Variants in ATP2C1 observed in about 807,000 individuals in gnomAD.
ATP2C1 encodes ATPase secretory pathway Ca2+ transporting 1.
ATP2C1 carries 31 observed loss-of-function variants against 120.5 expected under a neutral mutation model. That is an observed-to-expected ratio of 0.26 (90% CI 0.19 to 0.35). The LOEUF (loss-of-function observed/expected upper bound fraction) is 0.35. Ranked by LOEUF, ATP2C1 falls within the 10% of genes least tolerant of loss-of-function variation. ATP2C1 has a pLI of 1.00. For synonymous variants in ATP2C1, 351 were observed against 358.7 expected (o/e 0.98, Z 0.24); for missense variants, 731 against 1,107.5 (o/e 0.66, Z 4.83).
chr3:130,940,491 T>G, intron 6 of ATP2C1, 139 bp from the exon 7 acceptor site: 1 of 657,196 alleles, frequency 1.5e-6, no homozygotes, highest in East Asian at 2.8e-5. Context: ...GACAAGCTTT[T>G]CTGGGTAAGA....
rs188814950 is a variant in ATP2C1 at position 130,869,656 on chromosome 3, G to A, written c.108+18728G>A. Among the ~76,000 whole-genome samples, 41 of 152,238 alleles carry A rather than the reference G, an allele frequency of 2.7e-4. 1 individual carries two copies. In the South Asian group the frequency reaches 5.2e-3, roughly 19 times the overall value. ...AATGTGCAGGAAGTTTGAGCGGTCT[G>A]GATACAAGACCAAACCAGGCATACC... On this transcript the variant is annotated intron_variant, in intron 1 of 26. Coordinates refer to the ATP2C1 transcript ENST00000504381.
chr3:130,885,462 G>A (rs949475555), intron 1 of ATP2C1, among the ~76,000 whole-genome samples: 2 of 151,642 alleles, frequency 1.3e-5, no homozygotes, highest in Admixed American at 6.6e-5. Flanking sequence ...GATTTTCTCT[G>A]GTGGTATGAT....
At chr3:130,987,208 G>A (rs1302368584) in intron 20 of ATP2C1, among the ~76,000 whole-genome samples, 4 of 152,026 alleles carry the variant, frequency 2.6e-5, no homozygotes, top group African/African-American at 7.2e-5. Flanking sequence ...GTGTTGCCCA[G>A]ACTGGTCCTG....
chr3:130,912,214 A>C (rs1207125128), intron 2 of ATP2C1, among the ~76,000 whole-genome samples: 2 of 128,344 alleles, frequency 1.6e-5, no homozygotes, highest in Non-Finnish European at 3.3e-5. Context: ...TGTCCAAAAC[A>C]CCAAAAGCAA....
rs768377452 is a variant in ATP2C1 at position 130,959,337 on chromosome 3, G to A, written c.895G>A (p.Val299Ile). 29 of 1,600,970 alleles carry A rather than the reference G, an allele frequency of 1.8e-5. No individual in the cohort carries two copies. Among genetic ancestry groups the A allele is most frequent in the Non-Finnish European group, 2.5e-5 (29 of 1,168,912 alleles). The change falls in exon 12 of 28, where the codon GTA (valine) becomes ATA (isoleucine). Residue 299 changes from valine (V) to isoleucine (I), a missense_variant. By Grantham distance (29) the Val-to-Ile change is conservative. This residue lies in a region of ATP2C1 where 571 missense variants were observed against 845.9 expected (regional missense o/e 0.67). Coordinates refer to ENST00000510168, the MANE Select transcript of ATP2C1 (RefSeq NM_001378687.1). ...TATCCTGGAAATGTTTACTATTAGT[G>A]TAAGGTAAGTCTCAATACTTTATAA... ...KDILEMFTIS[V>I]SLAVAAIPEG...
intron 1 of ATP2C1, among the ~76,000 whole-genome samples, chr3:130,883,784 T>TA (rs1373057860): frequency 6.6e-6 from 1 of 152,094 alleles, no homozygotes; most frequent in African/African-American, 2.4e-5. Context: ...TGTAGGTACT[T>TA]AGAGCTTAAA....
chr3:130,874,769 G>A (rs2068547377), intron 1 of ATP2C1, among the ~76,000 whole-genome samples: 1 of 152,148 alleles, frequency 6.6e-6, no homozygotes, highest in Non-Finnish European at 1.5e-5. Flanking sequence ...ATAAAAAGGT[G>A]GCTGCTGTAC....
intron 6 of ATP2C1, among the ~76,000 whole-genome samples, chr3:130,940,064 T>A (rs976944493): frequency 6.6e-6 from 1 of 152,202 alleles, no homozygotes; most frequent in Non-Finnish European, 1.5e-5. Context: ...AGGCTAGAAA[T>A]CACATTGTTA....
intron 2 of ATP2C1, chr3:130,927,619 A>AAAT (rs2108315895): frequency 6.6e-6 from 1 of 152,376 alleles, no homozygotes; most frequent in South Asian, 2.1e-4. Context: ...CTCTGGGTAA[A>AAAT]AATTATTATG....
At chr3:130,856,007 A>G (rs1334973852) in intron 1 of ATP2C1, 1 of 151,880 alleles carries the variant, frequency 6.6e-6, no homozygotes, top group Non-Finnish European at 1.5e-5. Flanking sequence ...GAGAAATACC[A>G]TTCAAGGGCT....
chr3:130,917,437 G>T (rs1457481995), intron 2 of ATP2C1, among the ~76,000 whole-genome samples: 1 of 152,116 alleles, frequency 6.6e-6, no homozygotes, highest in East Asian at 1.9e-4. Context: ...TAAGACTTTA[G>T]ATTTTGTTGT....
chr3:130,908,469 TA>T (rs111613898), intron 2 of ATP2C1, among the ~76,000 whole-genome samples: 26,709 of 143,862 alleles, frequency 0.19, 2,452 homozygotes, highest in Middle Eastern at 0.25. Flanking sequence ...TATTAGAAAT[TA>T]AAAAAAAAAA....
chr3:130,981,040 GA>G (rs1482341251), intron 20 of ATP2C1, among the ~76,000 whole-genome samples: 1 of 152,068 alleles, frequency 6.6e-6, no homozygotes, highest in African/African-American at 2.4e-5. Context: ...ATGAGTATGT[GA>G]TTTTTTTTAG....
chr3:131,009,281 T>G (rs1428910826), intron 26 of ATP2C1, among the ~76,000 whole-genome samples: 2 of 152,224 alleles, frequency 1.3e-5, no homozygotes, highest in African/African-American at 2.4e-5. Context: ...CAGAACATTC[T>G]AAACCAAAAC....
intron 2 of ATP2C1, among the ~76,000 whole-genome samples, chr3:130,896,488 A>G (rs2069641100): frequency 6.6e-6 from 1 of 151,990 alleles, no homozygotes. Flanking sequence ...ATTTTTTTTT[A>G]TATATAAACA....
At chr3:130,859,430 A>T (rs2067946731) in intron 1 of ATP2C1, among the ~76,000 whole-genome samples, 2 of 152,250 alleles carry the variant, frequency 1.3e-5, no homozygotes, top group Non-Finnish European at 1.5e-5. Context: ...TTTGTAAGTT[A>T]TCTAACCCCT....
intron 5 of ATP2C1, among the ~76,000 whole-genome samples, chr3:130,936,965 A>G (rs1272066426): frequency 6.6e-6 from 1 of 152,128 alleles, no homozygotes; most frequent in Non-Finnish European, 1.5e-5. Context: ...CTAGCTTTCT[A>G]GAAAGTCATA....
chr3:130,926,604 A>G (rs2059217210), intron 2 of ATP2C1, among the ~76,000 whole-genome samples: 2 of 152,238 alleles, frequency 1.3e-5, no homozygotes, highest in Admixed American at 6.5e-5. Flanking sequence ...TTTGTCCTTT[A>G]AAATGTGTCT....
chr3:130,856,465 A>G (rs1214178079), intron 1 of ATP2C1, among the ~76,000 whole-genome samples: 3 of 152,186 alleles, frequency 2.0e-5, no homozygotes, highest in Non-Finnish European at 4.4e-5. Flanking sequence ...ACGTTTCACT[A>G]CAACTTGATT....
Sources: gnomAD v4.1 joint callset for allele counts (sites outside exome capture counted in the v4.1 genomes callset) on GRCh38, gnomAD v4.1.1 for gene constraint, gnomAD v4.1.1 regional missense constraint, MANE v1.5 for transcripts, NCBI Gene and HGNC (gene_info 2026-07-23, HGNC 2026-07-21) for gene names.